The following FMNL2 variants were observed in gnomAD, a reference collection of about 807,000 sequenced individuals.
The protein encoded by FMNL2 is formin like 2, also known as formin-like protein 2.
Under a neutral mutation model 130.2 loss-of-function variants are expected in FMNL2, and 51 were observed. That is an observed-to-expected ratio of 0.39 (90% CI 0.31 to 0.49). The LOEUF (loss-of-function observed/expected upper bound fraction) is 0.49. FMNL2 is among the 20% of genes least tolerant of loss of function. The pLI is 0.85. For synonymous variants in FMNL2, 465 were observed against 467.1 expected, an observed-to-expected ratio of 1.00 and a Z score of 0.06; for missense variants, 977 against 1,316.2, an observed-to-expected ratio of 0.74 and a Z score of 3.99.
At chr2:152,367,281 G>T (rs1007811442) in intron 1 of FMNL2, among the ~76,000 whole-genome samples, 10 of 152,056 alleles carry the variant, frequency 6.6e-5, no homozygotes, top group African/African-American at 2.2e-4. Flanking sequence ...TCACCATGTT[G>T]ACCAGGCTGG....
At chr2:152,384,956 T>C (rs1020088180) in intron 1 of FMNL2, among the ~76,000 whole-genome samples, 1 of 152,232 alleles carries the variant, frequency 6.6e-6, no homozygotes, top group Admixed American at 6.5e-5. Context: ...CCCATGTTAG[T>C]GTAGCTAATA....
intron 24 of FMNL2, among the ~76,000 whole-genome samples, chr2:152,640,276 G>T (rs113746861): frequency 6.6e-6 from 1 of 152,180 alleles, no homozygotes; most frequent in African/African-American, 2.4e-5. Flanking sequence ...ATATCCAAGC[G>T]TATAGACATC....
intron 1 of FMNL2, among the ~76,000 whole-genome samples, chr2:152,368,940 T>G (rs1357558455): frequency 6.6e-6 from 1 of 152,196 alleles, no homozygotes; most frequent in Non-Finnish European, 1.5e-5. Context: ...GTGTGTGTGT[T>G]TTTTAAGGCA....
In FMNL2 at chr2:152,599,437, T is replaced by TTA. The variant is rs1553484499; in HGVS notation, c.877-7902_877-7901insTA. On this transcript the variant is annotated intron_variant, in intron 9 of 25. Coordinates refer to ENST00000288670, the MANE Select transcript of FMNL2 (RefSeq NM_052905.4). ...TTTTTTTTTTTTTTTTTTTTTTTTT[T>TTA]AGAGAGGTAGTAAAAAGACATTTCT... Among the ~76,000 whole-genome samples, 69 of 132,286 alleles carry TTA rather than the reference T, an allele frequency of 5.2e-4. 1 individual carries two copies. Among genetic ancestry groups the TTA allele is most frequent in the Non-Finnish European group, 7.9e-4 (50 of 63,218 alleles). 86.8% of individuals were successfully genotyped at this position (132,286 alleles called of 152,430 possible).
At chr2:152,524,603 C>T (rs1397315247) in intron 2 of FMNL2, among the ~76,000 whole-genome samples, 1 of 152,176 alleles carries the variant, frequency 6.6e-6, no homozygotes, top group East Asian at 1.9e-4. Flanking sequence ...CTAGAAATGT[C>T]AGGTTTCTTT....
intron 7 of FMNL2, among the ~76,000 whole-genome samples, chr2:152,577,054 G>C (rs1329469473): frequency 4.6e-5 from 7 of 152,184 alleles, no homozygotes; most frequent in African/African-American, 1.7e-4. Context: ...GTTTAGGTTT[G>C]ATCTTGGCCA....
chr2:152,495,486 A>G (rs1348994646), intron 1 of FMNL2, among the ~76,000 whole-genome samples: 7 of 151,476 alleles, frequency 4.6e-5, no homozygotes, highest in Non-Finnish European at 1.5e-5. Context: ...ACCGTCTGTA[A>G]TAAAAATATA....
chr2:152,369,975 G>A (rs1683781513), intron 1 of FMNL2, among the ~76,000 whole-genome samples: 1 of 152,084 alleles, frequency 6.6e-6, no homozygotes, highest in African/African-American at 2.4e-5. Flanking sequence ...TGGGGAATAG[G>A]GTATGAAGCC....
intron 1 of FMNL2, among the ~76,000 whole-genome samples, chr2:152,449,026 A>G (rs1688501349): frequency 1.3e-5 from 2 of 152,232 alleles, no homozygotes; most frequent in Admixed American, 6.5e-5. Context: ...GTTGGTTAAG[A>G]TGGCACTCAG....
chr2:152,579,929 CT>C (rs961914211), intron 8 of FMNL2, among the ~76,000 whole-genome samples: 8 of 152,200 alleles, frequency 5.3e-5, no homozygotes, highest in African/African-American at 1.7e-4. Context: ...GACAAAATAT[CT>C]GAAAACTGTT....
intron 25 of FMNL2, among the ~76,000 whole-genome samples, chr2:152,646,054 C>T (rs765329868): frequency 6.6e-6 from 1 of 151,718 alleles, no homozygotes; most frequent in Non-Finnish European, 1.5e-5. Context: ...GGCATAGTGG[C>T]TCACACCTGT....
intron 1 of FMNL2, among the ~76,000 whole-genome samples, chr2:152,412,387 T>C (rs1322381530): frequency 1.3e-5 from 2 of 148,232 alleles, no homozygotes; most frequent in Non-Finnish European, 3.0e-5. Flanking sequence ...GGGAATATTT[T>C]CTGATTCTGT....
chr2:152,607,711 TTTA>T (rs1325680578), intron 10 of FMNL2: 1 of 226,896 alleles, frequency 4.4e-6, no homozygotes, highest in African/African-American at 2.3e-5. Context: ...GCTGCCATTG[TTTA>T]ATTGTTGATG....
At chr2:152,502,863 A>G (rs981850574) in intron 1 of FMNL2, among the ~76,000 whole-genome samples, 9 of 152,148 alleles carry the variant, frequency 5.9e-5, no homozygotes, top group Non-Finnish European at 8.8e-5. Context: ...GGGTGAGGCT[A>G]TATTGAGAGA....
At chr2:152,619,287 G>C in intron 14 of FMNL2, 129 bp downstream of exon 14, 1 of 1,301,736 alleles carries the variant, frequency 7.7e-7, no homozygotes, top group Non-Finnish European at 1.0e-6. Flanking sequence ...TTCTTGAGTA[G>C]TTCTTAACTG....
rs188005037 is a variant in FMNL2, at chr2:152,378,979, C to G, written c.117+43259C>G. Reference sequence around the variant, plus strand: ...GATGGCTAGAGAAGGACTGAATAGACCAGCTGCAAAAAAAAAAAAAAAAAA... The same window carrying G: ...GATGGCTAGAGAAGGACTGAATAGAGCAGCTGCAAAAAAAAAAAAAAAAAA... On this transcript the variant is annotated intron_variant, in intron 1 of 25. Coordinates refer to ENST00000288670, the MANE Select transcript of FMNL2 (RefSeq NM_052905.4). Among the ~76,000 whole-genome samples the G allele has an allele frequency of 2.7e-3, 240 of 88,018 alleles. 2 individuals carry two copies. The highest frequency in any genetic ancestry group is 0.01 in the African/African-American group (220 of 21,724). 57.7% of individuals were successfully genotyped at this position (88,018 alleles called of 152,430 possible).
Position 152,611,546 on chromosome 2 carries a change from A to G in FMNL2, c.1003A>G (p.Asn335Asp), listed in dbSNP as rs1380635925. The change falls in exon 11 of 26, where the codon AAT (asparagine) becomes GAT (aspartate). Residue 335 changes from asparagine (N) to aspartate (D), a missense_variant. Physicochemically the swap from Asn to Asp is conservative, Grantham distance 23. Around this residue, in one of 4 missense-constraint regions of FMNL2, gnomAD observed 689 missense variants for 995.9 expected, o/e 0.69. Transcript: ENST00000288670. ...TGTAGTCCATTCAGTAGAAGATATG[A>G]ATTTCAGAGTTCACCTGCAGTATGA... The part of the protein sequence containing the change: ...NIVVHSVEDM[N>D]FRVHLQYEFT... The G allele has an allele frequency of 6.2e-7, 1 of 1,603,530 alleles. No homozygotes were observed. The highest frequency in any genetic ancestry group is 8.5e-7 in the Non-Finnish European group (1 of 1,174,048).
intron 25 of FMNL2, among the ~76,000 whole-genome samples, chr2:152,645,926 CAT>C (rs1683513451): frequency 6.6e-6 from 1 of 152,140 alleles, no homozygotes; most frequent in African/African-American, 2.4e-5. Flanking sequence ...CACAAAGCTG[CAT>C]ATGAGGCAAA....
intron 1 of FMNL2, among the ~76,000 whole-genome samples, chr2:152,434,059 G>A (rs1436847028): frequency 3.3e-5 from 5 of 152,148 alleles, no homozygotes; most frequent in African/African-American, 9.7e-5. Context: ...AAGTTGGCTG[G>A]GTAGGGCAAA....
Sources: allele counts gnomAD v4.1 joint callset (sites outside exome capture counted in the v4.1 genomes callset), GRCh38; gene constraint gnomAD v4.1.1; regional missense constraint gnomAD v4.1.1; transcripts MANE v1.5; gene names NCBI Gene and HGNC (gene_info 2026-07-23, HGNC 2026-07-21).